Variants in FOLH1 observed in about 807,000 individuals in gnomAD.
The protein encoded by FOLH1 is glutamate carboxypeptidase 2.
A neutral mutation model predicts 93.9 loss-of-function variants in FOLH1; 54 were observed. That is an observed-to-expected ratio of 0.57 (90% CI 0.46 to 0.72). FOLH1 has a LOEUF of 0.72. Ranked by LOEUF, FOLH1 falls within the 30% of genes least tolerant of loss-of-function variation. The probability of loss-of-function intolerance (pLI) is 0.00; values close to 1 mark genes in which losing one functional copy is unlikely to be tolerated. For missense variants in FOLH1, 571 were observed against 892.5 expected (o/e 0.64, Z 4.59); for synonymous variants, 249 against 303.6 (o/e 0.82, Z 1.87).
chr11:49,167,058 G>GA (rs917801738), intron 12 of FOLH1, among the ~76,000 whole-genome samples: 1 of 147,856 alleles, frequency 6.8e-6, no homozygotes, highest in Non-Finnish European at 1.5e-5. Flanking sequence ...AAAAAAAACA[G>GA]AAAAAAACTA....
At chr11:49,169,858 C>T (rs901531288) in intron 11 of FOLH1, among the ~76,000 whole-genome samples, 1 of 151,882 alleles carries the variant, frequency 6.6e-6, no homozygotes, top group Non-Finnish European at 1.5e-5. Flanking sequence ...TTCTGAGTCT[C>T]TAAAATACAT....
In FOLH1 at chr11:49,154,496, C is replaced by T. The variant is rs1856796130; in HGVS notation, c.1624-4G>A. The T allele has an allele frequency of 6.5e-7, 1 of 1,548,190 alleles. No homozygotes were observed. Among genetic ancestry groups the T allele is most frequent in the Non-Finnish European group, 8.7e-7 (1 of 1,143,734 alleles). On this transcript the variant is annotated splice_polypyrimidine_tract_variant and splice_region_variant and intron_variant, in intron 15 of 18. Transcript: ENST00000256999. ...AGCCGCTGAATTTGTTTGTTTCCTA[C>T]AGAAAAAACAACAAAACATATCTCT...
intron 7 of FOLH1, among the ~76,000 whole-genome samples, chr11:49,180,848 CT>C (rs779388998): frequency 4.6e-5 from 7 of 152,050 alleles, no homozygotes; most frequent in Non-Finnish European, 7.4e-5. Context: ...GTAAAATGCA[CT>C]TTTTCATGAA....
intron 13 of FOLH1, 55 bp from the exon 14 acceptor site, chr11:49,158,098 C>G: frequency 6.7e-7 from 1 of 1,487,784 alleles, no homozygotes; most frequent in East Asian, 2.3e-5. Context: ...ATATTAAAAA[C>G]TAGATGTCCA....
At chr11:49,206,364 G>A in intron 1 of FOLH1, 192 bp from the exon 2 acceptor site, 1 of 979,512 alleles carries the variant, frequency 1.0e-6, no homozygotes, top group Non-Finnish European at 1.5e-6. Flanking sequence ...AGATTTTTAA[G>A]TTGCAAACCA....
intron 12 of FOLH1, among the ~76,000 whole-genome samples, chr11:49,166,671 T>C (rs1310849905): frequency 6.6e-6 from 1 of 152,136 alleles, no homozygotes; most frequent in Non-Finnish European, 1.5e-5. Flanking sequence ...CATTAGAAAT[T>C]TCAGAATCTA....
At position 49,206,168 on chromosome 11, in the gene FOLH1, C is replaced by G. The variant is rs1565223327; in HGVS notation, c.123G>C (p.Trp41Cys). 6.2e-7 allele frequency: 1 copy of G among 1,611,028 alleles called. No individual in the cohort carries two copies. The highest frequency in any genetic ancestry group is 1.7e-4 in the Middle Eastern group (1 of 6,040). The part of the protein sequence containing the change: ...GFFLLGFLFG[W>C]FIKSSNEATN... Reference sequence around the variant, plus strand: ...TAGCTTCATTGGAGGATTTTATAAACCACCCTGAAAAATACATCCAAAAAT... The same window carrying G: ...TAGCTTCATTGGAGGATTTTATAAAGCACCCTGAAAAATACATCCAAAAAT... The change falls in exon 2 of 19, where the codon TGG becomes TGC. Residue 41 changes from tryptophan to cysteine, a missense_variant. Trp to Cys is a radical substitution (Grantham distance 215). Transcript: ENST00000256999.
chr11:49,182,346 A>AG (rs1448703019), intron 7 of FOLH1, among the ~76,000 whole-genome samples: 5 of 149,980 alleles, frequency 3.3e-5, no homozygotes, highest in Non-Finnish European at 5.9e-5. Flanking sequence ...AAAAAAAAAA[A>AG]AAAAAGGACA....
chr11:49,171,186 C>T lies in FOLH1; in HGVS notation c.1308+9G>A, dbSNP rs918964087. The T allele has an allele frequency of 6.4e-7, 1 of 1,564,394 alleles. No homozygotes were observed. The highest frequency in any genetic ancestry group is 8.6e-7 in the Non-Finnish European group (1 of 1,159,080). ...TAAAAATTTATATTATAGCAAATTA[C>T]CAACTAACCTCTGCCCACTCAGTAG... is the stretch of plus-strand genomic sequence containing the variant. On this transcript the variant is annotated intron_variant, in intron 11 of 18. Coordinates refer to ENST00000256999, the MANE Select transcript of FOLH1 (RefSeq NM_004476.3).
chr11:49,172,524 T>C (rs1859457494), intron 10 of FOLH1, among the ~76,000 whole-genome samples: 1 of 152,126 alleles, frequency 6.6e-6, no homozygotes, highest in Admixed American at 6.6e-5. Flanking sequence ...ATCTGTAACA[T>C]GAGAAGATAA....
At chr11:49,161,131 T>C (rs1857652183) in intron 13 of FOLH1, among the ~76,000 whole-genome samples, 1 of 152,236 alleles carries the variant, frequency 6.6e-6, no homozygotes, top group Non-Finnish European at 1.5e-5. Context: ...ATTTTGTAGA[T>C]ATCTATCAGG....
chr11:49,157,725 A>G (rs567143002), intron 14 of FOLH1, among the ~76,000 whole-genome samples: 35 of 152,086 alleles, frequency 2.3e-4, no homozygotes, highest in South Asian at 2.3e-3. Flanking sequence ...AATGTTCCAT[A>G]TGTATATATT....
chr11:49,185,552 T>C (rs1207627920), intron 6 of FOLH1, 117 bp downstream of exon 6: 1 of 1,308,504 alleles, frequency 7.6e-7, no homozygotes, highest in African/African-American at 1.5e-5. Flanking sequence ...TCTTTCATTC[T>C]TAAATGCAAA....
In FOLH1 at chr11:49,157,949, T is replaced by C; in HGVS notation, c.1532+3A>G. 1 of 1,576,870 alleles carries C rather than the reference T, an allele frequency of 6.3e-7. No individual in the cohort carries two copies. Among genetic ancestry groups the C allele is most frequent in the Non-Finnish European group, 8.6e-7 (1 of 1,160,140 alleles). On this transcript the variant is annotated splice_donor_region_variant and intron_variant, in intron 14 of 18. Transcript: ENST00000256999. The stretch of plus-strand genomic sequence containing the variant: ...TCAGTGGAAACTTCATTCATTTGTT[T>C]ACCTGGGCATGCCACTGAACTCTGG...
chr11:49,192,871 T>G lies in FOLH1; in HGVS notation c.435A>C (p.Glu145Asp). ...CATTTTCATATCCTGGAGGAGGTGG[T>G]TCAAATAATGATGTGTTGAAAATCT... is the stretch of plus-strand genomic sequence containing the variant. ...GNEIFNTSLF[E>D]PPPPGYENVS... is the part of the protein sequence containing the mutation. The change falls in exon 4 of 19, where the codon GAA becomes GAC. Residue 145 changes from glutamate (E) to aspartate (D), a missense_variant. Physicochemically the swap from Glu to Asp is conservative, Grantham distance 45 (BLOSUM62 2). This residue lies in a region of FOLH1 where 500 missense variants were observed against 822.9 expected (regional missense o/e 0.61). Coordinates refer to ENST00000256999, the MANE Select transcript of FOLH1 (RefSeq NM_004476.3). 1 of 1,595,934 alleles carries G rather than the reference T, an allele frequency of 6.3e-7. No homozygotes were observed. The highest frequency in any genetic ancestry group is 8.5e-7 in the Non-Finnish European group (1 of 1,171,106).
chr11:49,146,728 T>C lies in FOLH1; in HGVS notation c.*28A>G. 6.3e-7 allele frequency: 1 copy of C among 1,577,870 alleles called. No homozygotes were observed. The highest frequency in any genetic ancestry group is 2.3e-5 in the East Asian group (1 of 44,256). On this transcript the variant is annotated 3_prime_UTR_variant, in exon 19 of 19. Transcript: ENST00000256999. ...CTTTCTGAGTGACATACCACACAAA[T>C]TCAATACGGATTCTCTAAAGAATCC...
At chr11:49,159,020 G>C (rs955800772) in intron 13 of FOLH1, among the ~76,000 whole-genome samples, 9 of 152,144 alleles carry the variant, frequency 5.9e-5, no homozygotes, top group Non-Finnish European at 1.3e-4. Context: ...TCAGCTTAAG[G>C]AGCTTTTGGG....
At position 49,173,466 on chromosome 11, in the gene FOLH1, G is replaced by A. The variant is rs759648885; in HGVS notation, c.1116C>T (p.Val372=). 6 of 1,574,404 alleles carry A rather than the reference G, an allele frequency of 3.8e-6. No homozygotes were observed. The Admixed American group carries it at 1.0e-4, about 27-fold the overall frequency. Residue 372 remains valine, a synonymous_variant, in exon 10 of 19, where the codon GTC becomes GTT. Transcript: ENST00000256999. ...LRGAVEPDRY[V]ILGGHRDSWV... ...ATGAGTCCCGGTGACCTCCCAGAAT[G>A]ACATATCTGTCTAGAAAGCATAGAT...
chr11:49,169,052 A>G, intron 12 of FOLH1, 143 bp downstream of exon 12: 1 of 842,568 alleles, frequency 1.2e-6, no homozygotes, highest in South Asian at 1.7e-5. Flanking sequence ...ACTAGGGTTC[A>G]TACACTGCTT....
Sources: gnomAD v4.1 joint callset for allele counts (sites outside exome capture counted in the v4.1 genomes callset) on GRCh38, gnomAD v4.1.1 for gene constraint, gnomAD v4.1.1 regional missense constraint, MANE v1.5 for transcripts, NCBI Gene and HGNC (gene_info 2026-07-23, HGNC 2026-07-21) for gene names.